The following EYS variants were observed in gnomAD, a reference collection of about 807,000 sequenced individuals.
EYS encodes the protein EGF-like photoreceptor maintenance factor.
EYS carries 250 observed loss-of-function variants against 282.1 expected under a neutral mutation model. The observed-to-expected ratio is 0.89, with a 90% CI of 0.80 to 0.98. The LOEUF (loss-of-function observed/expected upper bound fraction) is 0.98, where lower values mean the gene tolerates loss of function less well. Ranked by LOEUF, EYS falls within the 50% of genes least tolerant of loss-of-function variation. The pLI is 0.00. For missense variants in EYS, 4,016 were observed against 3,709.0 expected (o/e 1.08, Z -2.15); for synonymous variants, 1,355 against 1,282.9 (o/e 1.06, Z -1.20).
chr6:65,509,315 T>A (rs980747099), intron 2 of EYS, among the ~76,000 whole-genome samples: 5 of 152,164 alleles, frequency 3.3e-5, no homozygotes, highest in Non-Finnish European at 7.4e-5. Flanking sequence ...CTAAGATTTT[T>A]TTCATCATAA....
chr6:64,885,459 G>T (rs1347353355), intron 19 of EYS, among the ~76,000 whole-genome samples: 1 of 151,584 alleles, frequency 6.6e-6, no homozygotes, highest in Non-Finnish European at 1.5e-5. Context: ...TCAGTGTGTT[G>T]TTTCTTATTT....
intron 2 of EYS, among the ~76,000 whole-genome samples, chr6:65,539,543 T>G (rs984840456): frequency 6.6e-6 from 1 of 152,156 alleles, no homozygotes; most frequent in African/African-American, 2.4e-5. Flanking sequence ...ATCATGACAT[T>G]ATAATAATAC....
rs73765734 is a variant in EYS at position 65,048,091 on chromosome 6, C to T, written c.2137+9523G>A. Among the ~76,000 whole-genome samples the T allele has an allele frequency of 6.5e-3, 990 of 152,014 alleles. 15 individuals carry two copies. Among genetic ancestry groups the T allele is most frequent in the African/African-American group, 0.022 (894 of 41,520 alleles). ...GTAGCTTCTTGGACACTGAGTAGAT[C>T]TGAAAGGGTTAATGGAAGATAGCCA... On this transcript the variant is annotated intron_variant, in intron 13 of 42. Transcript: ENST00000503581.
At chr6:63,869,710 G>A (rs1171890966) in intron 35 of EYS, among the ~76,000 whole-genome samples, 1 of 152,082 alleles carries the variant, frequency 6.6e-6, no homozygotes. Context: ...AGGAAAAGGA[G>A]GTAAGAATAA....
At chr6:65,447,647 G>A (rs1375861256) in intron 5 of EYS, among the ~76,000 whole-genome samples, 2 of 151,818 alleles carry the variant, frequency 1.3e-5, no homozygotes, top group South Asian at 2.1e-4. Context: ...CATATGTAAA[G>A]ATGAATAAGA....
chr6:65,009,482 G>A (rs2349993), intron 13 of EYS, among the ~76,000 whole-genome samples: 53,469 of 152,014 alleles, frequency 0.35, 11,514 homozygotes, highest in Admixed American at 0.49. Flanking sequence ...CCTTAAGGAT[G>A]TCTTTTTCTG....
chr6:64,551,218 A>ATATATATATATG (rs1258291337), intron 26 of EYS, among the ~76,000 whole-genome samples: 1 of 149,582 alleles, frequency 6.7e-6, no homozygotes, highest in East Asian at 2.0e-4. Flanking sequence ...ATATATATAC[A>ATATATATATATG]TATATATATG....
intron 12 of EYS, among the ~76,000 whole-genome samples, chr6:65,133,125 C>G (rs545292582): frequency 6.6e-6 from 1 of 151,816 alleles, no homozygotes; most frequent in Non-Finnish European, 1.5e-5. Context: ...ATTAAAATGG[C>G]CATCCTGCTT....
chr6:65,280,241 A>T (rs1301630248), intron 12 of EYS, among the ~76,000 whole-genome samples: 2 of 152,158 alleles, frequency 1.3e-5, no homozygotes, highest in Non-Finnish European at 2.9e-5. Flanking sequence ...AGTCAACAGA[A>T]CATCCCTTCA....
intron 31 of EYS, among the ~76,000 whole-genome samples, chr6:64,143,699 G>T (rs145135588): frequency 4.2e-4 from 64 of 152,310 alleles, no homozygotes; most frequent in African/African-American, 1.5e-3. Flanking sequence ...TTATCAGCCA[G>T]ATGTGTCAGC....
intron 22 of EYS, among the ~76,000 whole-genome samples, chr6:64,739,910 T>G (rs1271141102): frequency 6.6e-6 from 1 of 152,168 alleles, no homozygotes; most frequent in Non-Finnish European, 1.5e-5. Context: ...ATAATGTTTT[T>G]AAACTCTTAT....
At chr6:65,690,733 C>A (rs1769212553) in intron 1 of EYS, among the ~76,000 whole-genome samples, 1 of 149,988 alleles carries the variant, frequency 6.7e-6, no homozygotes, top group African/African-American at 2.4e-5. Flanking sequence ...CTCCTCTAGC[C>A]CCCCAGCCCA....
intron 12 of EYS, among the ~76,000 whole-genome samples, chr6:65,075,621 C>A (rs1183206699): frequency 1.3e-5 from 2 of 151,892 alleles, no homozygotes; most frequent in African/African-American, 4.8e-5. Context: ...AGTATTGTAT[C>A]AGTCTTTTAG....
intron 1 of EYS, among the ~76,000 whole-genome samples, chr6:65,646,735 A>G (rs1442373316): frequency 2.0e-5 from 3 of 152,120 alleles, no homozygotes; most frequent in Non-Finnish European, 4.4e-5. Context: ...TCAAACTGTC[A>G]CTGTCTGCTG....
At chr6:64,487,817 ACTATGTGTTAGTG>A (rs1486734887) in intron 26 of EYS, among the ~76,000 whole-genome samples, 3 of 151,066 alleles carry the variant, frequency 2.0e-5, no homozygotes, top group African/African-American at 7.3e-5. Flanking sequence ...TTGAGTATTT[ACTATGTGTTAGTG>A]CTAGAAGTCA....
intron 5 of EYS, among the ~76,000 whole-genome samples, chr6:65,465,988 A>G (rs1562201593): frequency 6.6e-6 from 1 of 152,022 alleles, no homozygotes. Flanking sequence ...CAATCAATCA[A>G]TCAATCAATC....
intron 22 of EYS, among the ~76,000 whole-genome samples, chr6:64,694,155 GT>G (rs900069586): frequency 1.3e-5 from 2 of 152,032 alleles, no homozygotes; most frequent in Admixed American, 6.6e-5. Context: ...TCGTTGTTGG[GT>G]TTTTTCCCCA....
intron 33 of EYS, among the ~76,000 whole-genome samples, chr6:64,034,888 C>T (rs538007068): frequency 6.6e-6 from 1 of 152,256 alleles, no homozygotes; most frequent in East Asian, 1.9e-4. Flanking sequence ...TTATATATTT[C>T]TATTTTTAAT....
At chr6:64,296,598 ATTTT>A (rs1173183488) in intron 30 of EYS, among the ~76,000 whole-genome samples, 6 of 20,126 alleles carry the variant, frequency 3.0e-4, no homozygotes, top group East Asian at 1.5e-3. Context: ...ATATATATAT[ATTTT>A]TTTTTTTTTT....
Sources: allele counts gnomAD v4.1 joint callset (sites outside exome capture counted in the v4.1 genomes callset), GRCh38; gene constraint gnomAD v4.1.1; transcripts MANE v1.5; gene names NCBI Gene and HGNC (gene_info 2026-07-23, HGNC 2026-07-21).